Variants in POLR2C observed in about 807,000 individuals in gnomAD.
POLR2C encodes the protein RNA polymerase II subunit C, also known as DNA-directed RNA polymerase II subunit RPB3.
Under a neutral mutation model 41.7 loss-of-function variants are expected in POLR2C, and 36 were observed. The observed-to-expected ratio is 0.86, with a 90% CI of 0.66 to 1.14. The LOEUF (loss-of-function observed/expected upper bound fraction) is 1.14, where lower values mean the gene tolerates loss of function less well. Among genes scored for constraint, POLR2C ranks in the 50% most tolerant of loss-of-function variants. The probability of loss-of-function intolerance (pLI) is 0.00; values close to 1 mark genes in which losing one functional copy is unlikely to be tolerated. For missense variants in POLR2C, 260 were observed against 350.4 expected (o/e 0.74, Z 2.06); for synonymous variants, 133 against 137.8 (o/e 0.96, Z 0.25).
intron 2 of POLR2C, among the ~76,000 whole-genome samples, chr16:57,464,531 CAG>C (rs1158807153): frequency 3.9e-5 from 6 of 152,234 alleles, no homozygotes; most frequent in South Asian, 2.1e-4. Flanking sequence ...AGAGTCAGCT[CAG>C]AGAGTTTGGA....
At position 57,471,293 on chromosome 16, in the gene POLR2C, G is replaced by A. The variant is rs1374904007; in HGVS notation, c.*174G>A. The A allele has an allele frequency of 3.3e-6, 2 of 605,612 alleles. No homozygotes were observed. Among genetic ancestry groups the A allele is most frequent in the African/African-American group, 3.7e-5 (2 of 53,954 alleles). 37.5% of individuals were successfully genotyped at this position (605,612 alleles called of 1,614,324 possible). ...ATAGATAGATTACCAGGGATGCAGT[G>A]GTGTTTAGGCAGGATAGGTCTTTAC... On this transcript the variant is annotated 3_prime_UTR_variant, in exon 9 of 9. Transcript: ENST00000219252.
chr16:57,462,860 C>G, intron 1 of POLR2C, 50 bp downstream of exon 1: 1 of 1,312,400 alleles, frequency 7.6e-7, no homozygotes, highest in Non-Finnish European at 1.1e-6. Context: ...CCGGGAGGCC[C>G]AAGCCGGGGC....
At chr16:57,465,814 G>T in intron 2 of POLR2C, 139 bp from the exon 3 acceptor site, 1 of 666,264 alleles carries the variant, frequency 1.5e-6, no homozygotes. Flanking sequence ...AAGTACCTGG[G>T]CCCCACTCTA....
chr16:57,467,093 C>T (rs1372749693), intron 4 of POLR2C, among the ~76,000 whole-genome samples: 1 of 151,956 alleles, frequency 6.6e-6, no homozygotes, highest in African/African-American at 2.4e-5. Flanking sequence ...ATTAGCCGAG[C>T]GTGGTCCCGC....
intron 2 of POLR2C, among the ~76,000 whole-genome samples, chr16:57,465,145 A>C (rs189552597): frequency 1.1e-3 from 171 of 152,268 alleles, no homozygotes; most frequent in African/African-American, 3.9e-3. Context: ...TTAAAGAGGC[A>C]GAAAAGCTTG....
intron 2 of POLR2C, 133 bp from the exon 3 acceptor site, chr16:57,465,820 C>A: frequency 1.4e-6 from 1 of 698,606 alleles, no homozygotes; most frequent in Non-Finnish European, 2.6e-6. Flanking sequence ...CTGGGCCCCA[C>A]TCTAATGCTG....
intron 4 of POLR2C, among the ~76,000 whole-genome samples, chr16:57,467,445 C>T (rs1019737402): frequency 1.3e-5 from 2 of 152,126 alleles, no homozygotes; most frequent in African/African-American, 2.4e-5. Flanking sequence ...CATAAAGATA[C>T]GCATGCTCTA....
chr16:57,463,579 C>T, intron 2 of POLR2C: 1 of 438,800 alleles, frequency 2.3e-6, no homozygotes, highest in South Asian at 1.6e-5. Flanking sequence ...TGTTTATTGT[C>T]ATCTTTATGT....
chr16:57,466,336 A>C (rs1273659398), intron 4 of POLR2C, 109 bp downstream of exon 4: 5 of 748,708 alleles, frequency 6.7e-6, no homozygotes, highest in Non-Finnish European at 1.1e-5. Context: ...GTAGTTCTGG[A>C]ACAACAACGT....
rs1445284982 is a variant in POLR2C, at chr16:57,471,837, T to G, written c.*718T>G. The G allele has an allele frequency of 3.9e-5, 6 of 152,386 alleles. No homozygotes were observed. The highest frequency in any genetic ancestry group is 1.4e-4 in the African/African-American group (6 of 41,434). The allele number at this position is 152,386 out of a possible 1,614,324, so 9.4% of individuals were successfully genotyped here. A position where few individuals can be genotyped will look rare whatever the true frequency, so the allele number is the denominator to read the frequency against. On this transcript the variant is annotated 3_prime_UTR_variant, in exon 9 of 9. Transcript: ENST00000219252. ...TTTCATTTCTCCTTAATGAAGGCTCTGGCCCTAACCCCTCAGCACTGTCTC... is the reference window on the plus strand; with the variant it reads ...TTTCATTTCTCCTTAATGAAGGCTCGGGCCCTAACCCCTCAGCACTGTCTC...
intron 4 of POLR2C, among the ~76,000 whole-genome samples, chr16:57,468,702 A>G (rs1310788887): frequency 6.6e-6 from 1 of 152,220 alleles, no homozygotes; most frequent in East Asian, 1.9e-4. Flanking sequence ...TTTTTAGAAA[A>G]GGTTAGTGTA....
intron 8 of POLR2C, 74 bp downstream of exon 8, chr16:57,470,428 C>T: frequency 9.4e-6 from 10 of 1,067,198 alleles, no homozygotes; most frequent in Non-Finnish European, 1.4e-5. Context: ...GTGAGTTAGG[C>T]ATTCCCTCTC....
At position 57,469,798 on chromosome 16, in the gene POLR2C, G is replaced by A. The variant is rs375646262; in HGVS notation, c.439+37G>A. 5 of 1,597,572 alleles carry A rather than the reference G, an allele frequency of 3.1e-6. No individual in the cohort carries two copies. In the African/African-American group the frequency reaches 6.8e-5, roughly 22 times the overall value. ...TGACCTGTCACCGTGTGGGCCAGCGGGAAGGAGGGACCAGACACAGCCTCT... is the reference window on the plus strand; with the variant it reads ...TGACCTGTCACCGTGTGGGCCAGCGAGAAGGAGGGACCAGACACAGCCTCT... On this transcript the variant is annotated intron_variant, in intron 6 of 8. Transcript: ENST00000219252. The surrounding 1 kb of genome is among the most constrained non-coding windows in gnomAD (Gnocchi z 5.8).
chr16:57,462,890 G>C (rs1372886654), intron 1 of POLR2C, 80 bp downstream of exon 1: 11 of 850,064 alleles, frequency 1.3e-5, no homozygotes, highest in Non-Finnish European at 1.7e-5. Flanking sequence ...GGGGGCGGGG[G>C]TGTAGTGGGG....
In POLR2C at chr16:57,462,952, G is replaced by A. The variant is rs1004899015; in HGVS notation, c.87-77G>A. ...GCTGCCCCCCTGCACCAGGGCTTTA[G>A]CTTTGGGAGCCTGCGGCGCGGGCCC... On this transcript the variant is annotated intron_variant, in intron 1 of 8. Transcript: ENST00000219252. 5 of 1,314,338 alleles carry A rather than the reference G, an allele frequency of 3.8e-6. No individual in the cohort carries two copies. The African/African-American group carries it at 9.8e-5, about 26-fold the overall frequency. The allele number at this position is 1,314,338 out of a possible 1,614,324, so 81.4% of individuals were successfully genotyped here.
chr16:57,468,636 T>G lies in POLR2C; in HGVS notation c.259-529T>G, dbSNP rs569601686. The stretch of plus-strand genomic sequence containing the variant: ...GGTTGATGGTTATGGGATGGCAGTT[T>G]CTTACGTGCTTCTCTATTTGTGTAT... On this transcript the variant is annotated intron_variant, in intron 4 of 8. Transcript: ENST00000219252. Among the ~76,000 whole-genome samples, 8 of 152,368 alleles carry G rather than the reference T, an allele frequency of 5.3e-5. No homozygotes were observed. The East Asian group carries it at 1.5e-3, about 29-fold the overall frequency.
At position 57,470,333 on chromosome 16, in the gene POLR2C, A is replaced by G; in HGVS notation, c.662A>G (p.Asp221Gly). Residue 221 changes from aspartate (D) to glycine (G), a missense_variant, in exon 8 of 9, where the codon GAC (aspartate) becomes GGC (glycine). Transcript: ENST00000219252. ...GAGGATGAGTCGCAGGCTCCCTATG[A>G]CCCCAACGGCAAGCCAGAAAGGTAA... ...LDEDESQAPYDPNGKPERFYY... is the reference protein window; with the variant it reads ...LDEDESQAPYGPNGKPERFYY... 2 of 1,610,144 alleles carry G rather than the reference A, an allele frequency of 1.2e-6. No homozygotes were observed. The highest frequency in any genetic ancestry group is 1.3e-5 in the African/African-American group (1 of 74,874).
chr16:57,469,956 T>C lies in POLR2C; in HGVS notation c.440-5T>C. On this transcript the variant is annotated splice_polypyrimidine_tract_variant and splice_region_variant and intron_variant, in intron 6 of 8. Coordinates refer to ENST00000219252, the MANE Select transcript of POLR2C (RefSeq NM_032940.3). This position sits in a 1 kb window ranked among gnomAD's most constrained non-coding sequence, Gnocchi z 5.8. Reference sequence around the variant, plus strand: ...CCCTTGACTGACTTGTGCCTCTCCCTGCAGACATCCTCATCGTCAAGTTGA... The same window carrying C: ...CCCTTGACTGACTTGTGCCTCTCCCCGCAGACATCCTCATCGTCAAGTTGA... 1 of 1,611,110 alleles carries C rather than the reference T, an allele frequency of 6.2e-7. No homozygotes were observed. The highest frequency in any genetic ancestry group is 1.1e-5 in the South Asian group (1 of 90,984).
At position 57,469,220 on chromosome 16, in the gene POLR2C, T is replaced by C. The variant is rs2030771563; in HGVS notation, c.314T>C (p.Val105Ala). 1 of 1,614,152 alleles carries C rather than the reference T, an allele frequency of 6.2e-7. No individual in the cohort carries two copies. Among genetic ancestry groups the C allele is most frequent in the Non-Finnish European group, 8.5e-7 (1 of 1,180,002 alleles). The change falls in exon 5 of 9, where the codon GTG becomes GCG. Residue 105 changes from valine to alanine, a missense_variant. By Grantham distance (64) the Val-to-Ala change is moderately conservative (BLOSUM62 0). Transcript: ENST00000219252. This position sits in a 1 kb window ranked among gnomAD's most constrained non-coding sequence, Gnocchi z 5.8. ...PECSVEFTLD[V>A]RCNEDQTRHV... is the part of the protein sequence containing the mutation. ...TGCTCGGTGGAGTTCACCCTCGATG[T>C]GCGGTGCAATGAAGACCAGACGCGA...
Sources: allele counts gnomAD v4.1 joint callset (sites outside exome capture counted in the v4.1 genomes callset), GRCh38; gene constraint gnomAD v4.1.1; non-coding constraint Gnocchi (gnomAD v3.1); transcripts MANE v1.5; gene names NCBI Gene and HGNC (gene_info 2026-07-23, HGNC 2026-07-21).